Variants in TUBA4A observed in about 807,000 individuals in gnomAD.
TUBA4A encodes the protein tubulin alpha-4A chain.
Under a neutral mutation model 34.3 loss-of-function variants are expected in TUBA4A, and 23 were observed. The ratio of observed to expected loss-of-function variants is 0.67; its 90% CI spans 0.48 to 0.95. The LOEUF is 0.95. Among genes scored for constraint, TUBA4A ranks in the 40% least tolerant of loss-of-function variants. The probability of loss-of-function intolerance (pLI) is 0.00; values close to 1 mark genes in which losing one functional copy is unlikely to be tolerated. For missense variants in TUBA4A, 279 were observed against 599.0 expected, an observed-to-expected ratio of 0.47 and a Z score of 5.58; for synonymous variants, 216 against 230.5, an observed-to-expected ratio of 0.94 and a Z score of 0.57.
Position 219,251,338 on chromosome 2 carries a change from C to G in TUBA4A, c.376-15G>C, listed in dbSNP as rs192834660. The G allele has an allele frequency of 3.7e-5, 58 of 1,586,262 alleles. No homozygotes were observed. In the Admixed American group the frequency reaches 6.5e-4, roughly 18 times the overall value. ...CACTGGTCAGACTGAAAGGCAAGAA[C>G]GAGAAAGAACAGTTTAGGTAGGGGA... On this transcript the variant is annotated splice_polypyrimidine_tract_variant and intron_variant, in intron 3 of 3. Transcript: ENST00000248437. This position sits in a 1 kb window ranked among gnomAD's most constrained non-coding sequence, Gnocchi z 6.1.
At position 219,251,975 on chromosome 2, in the gene TUBA4A, AC is replaced by A. The variant is rs759199557; in HGVS notation, c.226+32del. On this transcript the variant is annotated intron_variant, in intron 2 of 3. Transcript: ENST00000248437. This position sits in a 1 kb window ranked among gnomAD's most constrained non-coding sequence, Gnocchi z 6.1. ...AGGGAGAAGCTTTGAGTCATGCTCC[AC>A]CCCCTTCAATTTTGTCCCCACTTCC... The A allele has an allele frequency of 6.3e-7, 1 of 1,595,396 alleles. No homozygotes were observed. The highest frequency in any genetic ancestry group is 1.1e-5 in the South Asian group (1 of 90,552).
chr2:219,251,908 T>G lies in TUBA4A; in HGVS notation c.226+100A>C. On this transcript the variant is annotated intron_variant, in intron 2 of 3. Transcript: ENST00000248437. This position sits in a 1 kb window ranked among gnomAD's most constrained non-coding sequence, Gnocchi z 6.1. ...TGCAGCTTCAAGTACGGCTAGGAATTTTCAGGGCTAGGAATGCCTGGTCTA... is the reference window on the plus strand; with the variant it reads ...TGCAGCTTCAAGTACGGCTAGGAATGTTCAGGGCTAGGAATGCCTGGTCTA... The G allele has an allele frequency of 2.1e-6, 3 of 1,413,416 alleles. No homozygotes were observed. Among genetic ancestry groups the G allele is most frequent in the Middle Eastern group, 1.8e-4 (1 of 5,598 alleles). The allele number at this position is 1,413,416 out of a possible 1,614,324, so 87.6% of individuals were successfully genotyped here.
In TUBA4A at chr2:219,250,484, C is replaced by T. The variant is rs1574883585; in HGVS notation, c.1215G>A (p.Val405=). The change falls in exon 4 of 4, where the codon GTG becomes GTA. Residue 405 remains valine, a synonymous_variant. Coordinates refer to ENST00000248437, the MANE Select transcript of TUBA4A (RefSeq NM_006000.3). The surrounding 1 kb of genome is among the most constrained non-coding windows in gnomAD (Gnocchi z 8.4). The part of the protein sequence containing the change: ...FDLMYAKRAF[V]HWYVGEGMEE... ...CCATGCCCTCACCCACATACCAGTG[C>T]ACAAACGCCCTCTTGGCATACATCA... 6.2e-7 allele frequency: 1 copy of T among 1,614,202 alleles called. No individual in the cohort carries two copies. Among genetic ancestry groups the T allele is most frequent in the Non-Finnish European group, 8.5e-7 (1 of 1,180,032 alleles).
At position 219,249,841 on chromosome 2, in the gene TUBA4A, C is replaced by G. The variant is rs569191103; in HGVS notation, c.*511G>C. The G allele has an allele frequency of 6.4e-6, 1 of 156,494 alleles. No individual in the cohort carries two copies. The highest frequency in any genetic ancestry group is 1.4e-5 in the Non-Finnish European group (1 of 70,598). The allele number at this position is 156,494 out of a possible 1,614,324, so 9.7% of individuals were successfully genotyped here. A position where few individuals can be genotyped will look rare whatever the true frequency, so the allele number is the denominator to read the frequency against. On this transcript the variant is annotated 3_prime_UTR_variant, in exon 4 of 4. Transcript: ENST00000248437. ...AGATCGCCTGTGTTCCCTCCCATCC[C>G]CCAAGCTTATGACGTGGCTCCATGC...
chr2:219,251,616 A>G lies in TUBA4A; in HGVS notation c.324T>C (p.Tyr108=), dbSNP rs199579096. ...DAANNYARGH[Y]TIGKEIIDPV... ...GGTCAATGATCTCCTTGCCAATGGT[A>G]TAGTGACCACGGGCATAGTTGTTGG... Residue 108 remains tyrosine, a synonymous_variant, in exon 3 of 4, where the codon TAT becomes TAC. Transcript: ENST00000248437. The surrounding 1 kb of genome is among the most constrained non-coding windows in gnomAD (Gnocchi z 6.1). The G allele has an allele frequency of 1.1e-4, 185 of 1,614,180 alleles. 1 individual carries two copies. The East Asian group carries it at 1.4e-3, about 13-fold the overall frequency.
At chr2:219,253,117 T>G in intron 1 of TUBA4A, 1 of 1,481,904 alleles carries the variant, frequency 6.7e-7, no homozygotes, top group Non-Finnish European at 9.1e-7. Flanking sequence ...TTTACAGTTA[T>G]TTCCCAGCCC....
At position 219,252,125 on chromosome 2, in the gene TUBA4A, G is replaced by A. The variant is rs766075261; in HGVS notation, c.109C>T (p.Pro37Ser). Residue 37 changes from proline to serine, a missense_variant, in exon 2 of 4, where the codon CCC (proline) becomes TCC (serine). Pro to Ser is a moderately conservative substitution (Grantham distance 74, BLOSUM62 -1). Coordinates refer to ENST00000248437, the MANE Select transcript of TUBA4A (RefSeq NM_006000.3). The surrounding 1 kb of genome is among the most constrained non-coding windows in gnomAD (Gnocchi z 4.1). ...EHGIQPDGQM[P>S]SDKTIGGGDD... ...CCTCCACCAATGGTCTTGTCACTGG[G>A]CATCTGCCCATCAGGCTGAATCCCA... 1 of 1,614,210 alleles carries A rather than the reference G, an allele frequency of 6.2e-7. No individual in the cohort carries two copies. Among genetic ancestry groups the A allele is most frequent in the East Asian group, 2.2e-5 (1 of 44,886 alleles).
At chr2:219,253,356 G>GGC (rs1553571359) in intron 1 of TUBA4A, 35 of 1,462,264 alleles carry the variant, frequency 2.4e-5, no homozygotes, top group Middle Eastern at 3.4e-4. Flanking sequence ...CTGAGTCACG[G>GGC]GGGGGGGGTG....
In TUBA4A at chr2:219,251,728, A is replaced by C. The variant is rs755462080; in HGVS notation, c.227-15T>G. 2.2e-5 allele frequency: 35 copies of C among 1,609,496 alleles called. No individual in the cohort carries two copies. The highest frequency in any genetic ancestry group is 2.9e-5 in the Non-Finnish European group (34 of 1,176,824). On this transcript the variant is annotated splice_polypyrimidine_tract_variant and intron_variant, in intron 2 of 3. Transcript: ENST00000248437. The surrounding 1 kb of genome is among the most constrained non-coding windows in gnomAD (Gnocchi z 6.1). The stretch of plus-strand genomic sequence containing the variant: ...TCGGATCTCATCTGGAAGGGCAAAA[A>C]CCACAAAGCTATGCTCAGCAGGGAC...
In TUBA4A at chr2:219,250,478, C is replaced by T. The variant is rs1395492474; in HGVS notation, c.1221G>A (p.Trp407Ter). ...CCTCCTCCATGCCCTCACCCACATACCAGTGCACAAACGCCCTCTTGGCAT... is the reference window on the plus strand; with the variant it reads ...CCTCCTCCATGCCCTCACCCACATATCAGTGCACAAACGCCCTCTTGGCAT... ...LMYAKRAFVH[W>*]YVGEGMEEGE... Residue 407 changes from tryptophan to a stop codon, truncating the protein, a stop_gained, in exon 4 of 4, where the codon TGG becomes TGA. Transcript: ENST00000248437. LOFTEE classifies it high-confidence loss of function. This position sits in a 1 kb window ranked among gnomAD's most constrained non-coding sequence, Gnocchi z 8.4. The T allele has an allele frequency of 6.2e-7, 1 of 1,614,236 alleles. No homozygotes were observed. The highest frequency in any genetic ancestry group is 8.5e-7 in the Non-Finnish European group (1 of 1,180,038).
chr2:219,251,152 C>G lies in TUBA4A; in HGVS notation c.547G>C (p.Glu183Gln), dbSNP rs775821469. The G allele has an allele frequency of 1.6e-5, 26 of 1,613,896 alleles. No homozygotes were observed. Among genetic ancestry groups the G allele is most frequent in the East Asian group, 4.5e-5 (2 of 44,890 alleles). Reference protein sequence around the residue: ...PAPQVSTAVVEPYNSILTTHT... With the variant: ...PAPQVSTAVVQPYNSILTTHT... The stretch of plus-strand genomic sequence containing the variant: ...GTGGTCAGGATAGAGTTGTAGGGCT[C>G]GACCACGGCTGTAGACACCTGGGGG... Residue 183 changes from glutamate to glutamine, a missense_variant, in exon 4 of 4, where the codon GAG (glutamate) becomes CAG (glutamine). Physicochemically the swap from Glu to Gln is conservative, Grantham distance 29. This residue lies in a region of TUBA4A where 108 missense variants were observed against 299.9 expected (regional missense o/e 0.36). Coordinates refer to ENST00000248437, the MANE Select transcript of TUBA4A (RefSeq NM_006000.3). The surrounding 1 kb of genome is among the most constrained non-coding windows in gnomAD (Gnocchi z 6.1).
At position 219,253,360 on chromosome 2, in the gene TUBA4A, G is replaced by A. The variant is rs777534114; in HGVS notation, c.3+496C>T. The A allele has an allele frequency of 4.6e-6, 7 of 1,533,728 alleles. No homozygotes were observed. The East Asian group carries it at 9.8e-5, about 21-fold the overall frequency. Reference sequence around the variant, plus strand: ...GACGCGGGGTGCTGAGTCACGGGGGGGGGGTGGTTCTGTGGATAGTTGGAA... The same window carrying A: ...GACGCGGGGTGCTGAGTCACGGGGGAGGGGTGGTTCTGTGGATAGTTGGAA... On this transcript the variant is annotated intron_variant, in intron 1 of 3. Coordinates refer to ENST00000248437, the MANE Select transcript of TUBA4A (RefSeq NM_006000.3).
In TUBA4A at chr2:219,250,838, C is replaced by T. The variant is rs750882247; in HGVS notation, c.861G>A (p.Ser287=). The T allele has an allele frequency of 1.1e-5, 17 of 1,614,016 alleles. No individual in the cohort carries two copies. Among genetic ancestry groups the T allele is most frequent in the Middle Eastern group, 1.6e-4 (1 of 6,084 alleles). Reference sequence around the variant, plus strand: ...AGCAGGCATTGGTGATCTCTGCCACCGACAGCTGCTCGTGGTATGCCTTTT... The same window carrying T: ...AGCAGGCATTGGTGATCTCTGCCACTGACAGCTGCTCGTGGTATGCCTTTT... The part of the protein sequence containing the change: ...SAEKAYHEQL[S]VAEITNACFE... Residue 287 remains serine, a synonymous_variant, in exon 4 of 4, where the codon TCG becomes TCA. Transcript: ENST00000248437. The surrounding 1 kb of genome is among the most constrained non-coding windows in gnomAD (Gnocchi z 8.4).
At chr2:219,253,358 G>T (rs563727011) in intron 1 of TUBA4A, 17 of 1,528,028 alleles carry the variant, frequency 1.1e-5, no homozygotes, top group African/African-American at 2.8e-5. Flanking sequence ...GAGTCACGGG[G>T]GGGGGGTGGT....
rs1951638607 is a variant in TUBA4A, at chr2:219,250,983, G to A, written c.716C>T (p.Thr239Ile). ...RLISQIVSSI[T>I]ASLRFDGALN... Reference sequence around the variant, plus strand: ...GGCCCCGTCAAAGCGCAGAGAAGCTGTGATGGAGGAGACAATTTGGCTAAT... The same window carrying A: ...GGCCCCGTCAAAGCGCAGAGAAGCTATGATGGAGGAGACAATTTGGCTAAT... Residue 239 changes from threonine to isoleucine, a missense_variant, in exon 4 of 4, where the codon ACA becomes ATA. Physicochemically the swap from Thr to Ile is moderately conservative, Grantham distance 89. Coordinates refer to ENST00000248437, the MANE Select transcript of TUBA4A (RefSeq NM_006000.3). This position sits in a 1 kb window ranked among gnomAD's most constrained non-coding sequence, Gnocchi z 8.4. 1.9e-6 allele frequency: 3 copies of A among 1,614,074 alleles called. No homozygotes were observed. The highest frequency in any genetic ancestry group is 2.5e-6 in the Non-Finnish European group (3 of 1,180,048).
Position 219,251,753 on chromosome 2 carries a change from C to A in TUBA4A, c.227-40G>T. 1 of 1,590,082 alleles carries A rather than the reference C, an allele frequency of 6.3e-7. No individual in the cohort carries two copies. The highest frequency in any genetic ancestry group is 8.6e-7 in the Non-Finnish European group (1 of 1,165,180). The stretch of plus-strand genomic sequence containing the variant: ...ACCACAAAGCTATGCTCAGCAGGGA[C>A]CTTCCTCCCCCAGGGTGGTAGCTGT... On this transcript the variant is annotated intron_variant, in intron 2 of 3. Transcript: ENST00000248437. The surrounding 1 kb of genome is among the most constrained non-coding windows in gnomAD (Gnocchi z 6.1).
At position 219,252,288 on chromosome 2, in the gene TUBA4A, G is replaced by A. The variant is rs1470793543; in HGVS notation, c.4-58C>T. The A allele has an allele frequency of 6.7e-7, 1 of 1,495,160 alleles. No individual in the cohort carries two copies. The highest frequency in any genetic ancestry group is 1.4e-5 in the African/African-American group (1 of 72,664). The allele number at this position is 1,495,160 out of a possible 1,614,324, so 92.6% of individuals were successfully genotyped here. ...CCCCACATCCACAAGTCCTCACCTT[G>A]CGAGTCTCTCTTCCACCCTATCATC... On this transcript the variant is annotated intron_variant, in intron 1 of 3. Transcript: ENST00000248437. The surrounding 1 kb of genome is among the most constrained non-coding windows in gnomAD (Gnocchi z 4.1).
rs1574883844 is a variant in TUBA4A, at chr2:219,250,637, A to G, written c.1062T>C (p.Gly354=). 6.2e-7 allele frequency: 1 copy of G among 1,614,188 alleles called. No homozygotes were observed. Among genetic ancestry groups the G allele is most frequent in the African/African-American group, 1.3e-5 (1 of 75,048 alleles). ...CCACAGTGGGAGGCTGGTAGTTGAT[A>G]CCAACCTTGAAGCCTGTGGGGCACC... The part of the protein sequence containing the change: ...VDWCPTGFKV[G]INYQPPTVVP... Residue 354 remains glycine (G), a synonymous_variant, in exon 4 of 4, where the codon GGT becomes GGC. Coordinates refer to ENST00000248437, the MANE Select transcript of TUBA4A (RefSeq NM_006000.3). The surrounding 1 kb of genome is among the most constrained non-coding windows in gnomAD (Gnocchi z 8.4).
In TUBA4A at chr2:219,252,849, C is replaced by T. The variant is rs923407834; in HGVS notation, c.4-619G>A. On this transcript the variant is annotated intron_variant, in intron 1 of 3. Transcript: ENST00000248437. The surrounding 1 kb of genome is among the most constrained non-coding windows in gnomAD (Gnocchi z 4.1). ...TGCTTGTAAGCTCAGACAGCAGGGG[C>T]CAGCAATAAGGTTTGAGGGTACTGG... The T allele has an allele frequency of 4.4e-5, 21 of 472,184 alleles. No homozygotes were observed. The highest frequency in any genetic ancestry group is 9.4e-5 in the Admixed American group (4 of 42,558). The allele number at this position is 472,184 out of a possible 1,614,324, so 29.2% of individuals were successfully genotyped here.
Sources: gnomAD v4.1 joint callset for allele counts on GRCh38, gnomAD v4.1.1 for gene constraint, gnomAD v4.1.1 regional missense constraint, Gnocchi (gnomAD v3.1) non-coding constraint, MANE v1.5 for transcripts, NCBI Gene and HGNC (gene_info 2026-07-23, HGNC 2026-07-21) for gene names.